RELN: variants seen among roughly 807,000 people sequenced by gnomAD.
RELN encodes the protein reelin.
A neutral mutation model predicts 427.6 loss-of-function variants in RELN; 108 were observed. The ratio of observed to expected loss-of-function variants is 0.25; its 90% CI spans 0.22 to 0.30. The LOEUF (loss-of-function observed/expected upper bound fraction) is 0.30, where lower values mean the gene tolerates loss of function less well. Among genes scored for constraint, RELN ranks in the 10% least tolerant of loss-of-function variants. RELN has a pLI of 1.00. For missense variants in RELN, 3,715 were observed against 4,302.8 expected (o/e 0.86, Z 3.82); for synonymous variants, 1,524 against 1,513.4 (o/e 1.01, Z -0.16).
At chr7:103,601,114 ATG>A (rs34548867) in intron 24 of RELN, among the ~76,000 whole-genome samples, 6 of 150,732 alleles carry the variant, frequency 4.0e-5, no homozygotes, top group South Asian at 2.1e-4. Context: ...ACATGTTAAA[ATG>A]TGTGTGTGTG....
rs114597340 is a variant in RELN at position 103,726,220 on chromosome 7, C to T, written c.753+1891G>A. On this transcript the variant is annotated intron_variant, in intron 7 of 64. Coordinates refer to ENST00000428762, the MANE Select transcript of RELN (RefSeq NM_005045.4). ...GTCTTCTATAAACACAACTTGGGTACAATGTATATTTTTGCTTCAGGAACA... is the reference window on the plus strand; with the variant it reads ...GTCTTCTATAAACACAACTTGGGTATAATGTATATTTTTGCTTCAGGAACA... Among the ~76,000 whole-genome samples the T allele has an allele frequency of 9.7e-3, 1,470 of 152,116 alleles. 27 individuals are homozygous for T. The highest frequency in any genetic ancestry group is 0.033 in the African/African-American group (1,386 of 41,500).
chr7:103,753,081 G>T, intron 5 of RELN, 101 bp downstream of exon 5: 2 of 1,163,298 alleles, frequency 1.7e-6, no homozygotes, highest in Non-Finnish European at 2.6e-6. Context: ...GATCAGAGAG[G>T]ACAGCTTCCT....
At chr7:103,926,627 G>GTTTTTTTTTTTTTTTTTTTT (rs60259062) in intron 1 of RELN, among the ~76,000 whole-genome samples, 2 of 99,458 alleles carry the variant, frequency 2.0e-5, no homozygotes, top group African/African-American at 7.1e-5. Context: ...AGTATCATAA[G>GTTTTTTTTTTTTTTTTTTTT]TTTTTTTTTT....
intron 8 of RELN, among the ~76,000 whole-genome samples, chr7:103,711,350 G>C (rs1216196910): frequency 6.6e-6 from 1 of 152,146 alleles, no homozygotes; most frequent in African/African-American, 2.4e-5. Context: ...ACACAACTCA[G>C]ACCCACCTCT....
intron 7 of RELN, among the ~76,000 whole-genome samples, chr7:103,726,608 G>A (rs10238708): frequency 0.26 from 39,102 of 151,860 alleles, 5,166 homozygotes; most frequent in South Asian, 0.38. Flanking sequence ...CTATGAAAAT[G>A]TGAATTTTGG....
chr7:103,685,144 TA>T (rs1833738319), intron 10 of RELN, among the ~76,000 whole-genome samples: 1 of 152,186 alleles, frequency 6.6e-6, no homozygotes, highest in Non-Finnish European at 1.5e-5. Flanking sequence ...TTCTTACAGG[TA>T]AGTTTGCATT....
chr7:103,801,422 C>G (rs1438383104), intron 3 of RELN, among the ~76,000 whole-genome samples: 1 of 152,150 alleles, frequency 6.6e-6, no homozygotes, highest in African/African-American at 2.4e-5. Context: ...GAGTTCATGT[C>G]GTTTGCAGGG....
At chr7:103,624,227 G>A (rs1208942692) in intron 20 of RELN, among the ~76,000 whole-genome samples, 1 of 151,954 alleles carries the variant, frequency 6.6e-6, no homozygotes, top group African/African-American at 2.4e-5. Context: ...CTTTTAAAAT[G>A]TCCTGAACAT....
intron 1 of RELN, among the ~76,000 whole-genome samples, chr7:103,919,343 A>G (rs1795562301): frequency 6.6e-6 from 1 of 152,042 alleles, no homozygotes; most frequent in South Asian, 2.1e-4. Flanking sequence ...GTTTTCACTG[A>G]CTGGAACACT....
intron 2 of RELN, among the ~76,000 whole-genome samples, chr7:103,891,729 T>A (rs190633809): frequency 6.6e-6 from 1 of 152,292 alleles, no homozygotes; most frequent in Admixed American, 6.5e-5. Flanking sequence ...TGTTACTATC[T>A]ATTCATTATT....
chr7:103,895,440 C>T (rs1794939569), intron 2 of RELN, among the ~76,000 whole-genome samples: 1 of 152,084 alleles, frequency 6.6e-6, no homozygotes, highest in Non-Finnish European at 1.5e-5. Flanking sequence ...TGGCATGTGG[C>T]TCTGGTGAGA....
chr7:103,611,711 A>C lies in RELN; in HGVS notation c.2795T>G (p.Leu932Trp). Residue 932 changes from leucine (L) to tryptophan (W), a missense_variant, in exon 21 of 65, where the codon TTG becomes TGG. Leu to Trp is a moderately conservative substitution (Grantham distance 61). Around this residue, in one of 4 missense-constraint regions of RELN, gnomAD observed 2,208 missense variants for 2,361.7 expected, o/e 0.93. Coordinates refer to ENST00000428762, the MANE Select transcript of RELN (RefSeq NM_005045.4). ...IGASYMIQFS[L>W]VMGCGQKYTP... ...GTATTTCTGGCCACATCCCATCACC[A>C]AACTGAACTGAATCATATAGGATGC... 1 of 1,613,978 alleles carries C rather than the reference A, an allele frequency of 6.2e-7. No individual in the cohort carries two copies. The highest frequency in any genetic ancestry group is 8.5e-7 in the Non-Finnish European group (1 of 1,179,944).
intron 31 of RELN, among the ~76,000 whole-genome samples, chr7:103,571,808 G>A (rs754019987): frequency 1.1e-4 from 17 of 152,154 alleles, no homozygotes; most frequent in Non-Finnish European, 2.4e-4. Flanking sequence ...AGTAGACTTT[G>A]ATCTGCATTC....
Position 103,565,465 on chromosome 7 carries a change from G to C in RELN, c.5023C>G (p.Pro1675Ala), listed in dbSNP as rs770657475. ...QFEMSMGCSK[P>A]FSNSHSVQLQ... ...TGTACACTGTGGGAGTTGCTGAAGG[G>C]CTTGCTACAGCCCATGCTCATTTCA... Residue 1675 changes from proline to alanine, a missense_variant, in exon 34 of 65, where the codon CCC becomes GCC. Physicochemically the swap from Pro to Ala is conservative, Grantham distance 27 (BLOSUM62 -1). Transcript: ENST00000428762. The C allele has an allele frequency of 1.1e-5, 18 of 1,613,732 alleles. No individual in the cohort carries two copies. The East Asian group carries it at 2.7e-4, about 24-fold the overall frequency.
intron 1 of RELN, among the ~76,000 whole-genome samples, chr7:103,949,382 TA>T (rs11374878): frequency 2.1e-4 from 32 of 148,954 alleles, no homozygotes; most frequent in South Asian, 4.2e-4. Context: ...ACTTTGAACT[TA>T]AAAAAAAAAA....
At chr7:103,883,769 C>T (rs977101018) in intron 2 of RELN, among the ~76,000 whole-genome samples, 1 of 152,106 alleles carries the variant, frequency 6.6e-6, no homozygotes, top group Non-Finnish European at 1.5e-5. Context: ...AAACACTGCT[C>T]AAGGAATAAG....
intron 1 of RELN, among the ~76,000 whole-genome samples, chr7:103,929,052 T>C (rs1652474637): frequency 2.0e-5 from 3 of 152,190 alleles, no homozygotes; most frequent in Non-Finnish European, 2.9e-5. Context: ...TTGTGGGAAA[T>C]CCTTGCTGGA....
At chr7:103,577,074 T>C (rs1831020377) in intron 28 of RELN, among the ~76,000 whole-genome samples, 1 of 152,224 alleles carries the variant, frequency 6.6e-6, no homozygotes, top group African/African-American at 2.4e-5. Context: ...CACATTCCAA[T>C]TTATTTTGCT....
At chr7:103,934,061 A>G (rs1346173501) in intron 1 of RELN, among the ~76,000 whole-genome samples, 1 of 152,094 alleles carries the variant, frequency 6.6e-6, no homozygotes, top group Non-Finnish European at 1.5e-5. Flanking sequence ...CTATTTTTTC[A>G]TCCATACCAT....
Sources: allele counts gnomAD v4.1 joint callset (sites outside exome capture counted in the v4.1 genomes callset), GRCh38; gene constraint gnomAD v4.1.1; regional missense constraint gnomAD v4.1.1; transcripts MANE v1.5; gene names NCBI Gene and HGNC (gene_info 2026-07-23, HGNC 2026-07-21).